Variants in USP10 observed in about 807,000 individuals in gnomAD.
USP10 encodes ubiquitin specific peptidase 10, also known as ubiquitin carboxyl-terminal hydrolase 10.
USP10 carries 22 observed loss-of-function variants against 84.5 expected under a neutral mutation model. That is an observed-to-expected ratio of 0.26 (90% confidence interval 0.19 to 0.37). The LOEUF is 0.37. Ranked by LOEUF, USP10 falls within the 10% of genes least tolerant of loss-of-function variation. The pLI, the probability that USP10 is intolerant of heterozygous loss-of-function variation, is 1.00. For missense variants in USP10, 1,019 were observed against 998.9 expected (o/e 1.02, Z -0.27); for synonymous variants, 454 against 387.6 (o/e 1.17, Z -2.01).
intron 1 of USP10, among the ~76,000 whole-genome samples, chr16:84,720,460 A>G (rs1907636420): frequency 6.6e-6 from 1 of 152,140 alleles, no homozygotes; most frequent in African/African-American, 2.4e-5. Context: ...CTCGGCAGTA[A>G]TAAAGGTTGA....
intron 1 of USP10, among the ~76,000 whole-genome samples, chr16:84,723,457 A>G (rs1908071602): frequency 6.6e-6 from 1 of 152,244 alleles, no homozygotes; most frequent in Admixed American, 6.5e-5. Context: ...TAAAAACATG[A>G]GAATAAAAAC....
chr16:84,766,457 C>T (rs1465449339), intron 10 of USP10, among the ~76,000 whole-genome samples: 1 of 152,176 alleles, frequency 6.6e-6, no homozygotes, highest in East Asian at 1.9e-4. Flanking sequence ...TGGCGCGCAG[C>T]AGCGAGGGAA....
At chr16:84,757,858 C>T (rs1433996539) in intron 4 of USP10, among the ~76,000 whole-genome samples, 2 of 152,108 alleles carry the variant, frequency 1.3e-5, no homozygotes, top group Admixed American at 1.3e-4. Context: ...AGTGGTGGTA[C>T]TCCTAGATTA....
chr16:84,752,478 T>C (rs533864275), intron 4 of USP10, among the ~76,000 whole-genome samples: 1 of 152,256 alleles, frequency 6.6e-6, no homozygotes, highest in African/African-American at 2.4e-5. Flanking sequence ...TCCTCATTTT[T>C]ATTCTTTTAG....
Position 84,744,759 on chromosome 16 carries a change from G to A in USP10, c.278G>A (p.Gly93Asp), listed in dbSNP as rs772965502. 4 of 1,613,698 alleles carry A rather than the reference G, an allele frequency of 2.5e-6. No individual in the cohort carries two copies. The highest frequency in any genetic ancestry group is 1.1e-5 in the South Asian group (1 of 91,062). Residue 93 changes from glycine to aspartate, a missense_variant, in exon 4 of 14, where the codon GGT (glycine) becomes GAT (aspartate). Coordinates refer to ENST00000219473, the MANE Select transcript of USP10 (RefSeq NM_005153.3). ...CCTCAGGCCCCTGAATTTATTCTCG[G>A]TTGTACAGCTTCCAAAATAACCCCT... Reference protein sequence around the residue: ...LNPQAPEFILGCTASKITPDG... With the variant: ...LNPQAPEFILDCTASKITPDG...
At chr16:84,746,911 T>G (rs1352554100) in intron 4 of USP10, among the ~76,000 whole-genome samples, 1 of 152,244 alleles carries the variant, frequency 6.6e-6, no homozygotes, top group Non-Finnish European at 1.5e-5. Flanking sequence ...AAATATTTTC[T>G]TCCTTTTTAT....
chr16:84,706,684 G>A (rs569679604), intron 1 of USP10, among the ~76,000 whole-genome samples: 1 of 152,014 alleles, frequency 6.6e-6, no homozygotes, highest in South Asian at 2.1e-4. Flanking sequence ...GGGAATACAG[G>A]TGTGCGCCAC....
intron 1 of USP10, among the ~76,000 whole-genome samples, chr16:84,713,168 C>G (rs1906531155): frequency 6.6e-6 from 1 of 152,186 alleles, no homozygotes; most frequent in African/African-American, 2.4e-5. Flanking sequence ...CCTTAGATAT[C>G]TCAGCCAATG....
chr16:84,721,702 T>C (rs1907833347), intron 1 of USP10, among the ~76,000 whole-genome samples: 1 of 152,030 alleles, frequency 6.6e-6, no homozygotes, highest in Non-Finnish European at 1.5e-5. Context: ...CTTTGTTTTG[T>C]TTTGTTTTGT....
chr16:84,732,632 A>C, intron 1 of USP10: 1 of 304,718 alleles, frequency 3.3e-6, no homozygotes, highest in Non-Finnish European at 6.4e-6. Flanking sequence ...TTTTTAGTAA[A>C]GATGGGGGTT....
At chr16:84,755,756 C>T (rs1912458508) in intron 4 of USP10, among the ~76,000 whole-genome samples, 1 of 150,742 alleles carries the variant, frequency 6.6e-6, no homozygotes. Context: ...TAGGATGGTG[C>T]CACTGCATTC....
At chr16:84,744,101 T>C (rs891977937) in intron 3 of USP10, among the ~76,000 whole-genome samples, 3 of 152,126 alleles carry the variant, frequency 2.0e-5, no homozygotes, top group African/African-American at 7.2e-5. Context: ...TTTTTTTGTT[T>C]TTAAATTTAT....
chr16:84,725,492 C>T (rs1241405413), intron 1 of USP10, among the ~76,000 whole-genome samples: 1 of 152,146 alleles, frequency 6.6e-6, no homozygotes, highest in Non-Finnish European at 1.5e-5. Flanking sequence ...CCTCTGCCTG[C>T]TGGGTTCAAG....
intron 1 of USP10, among the ~76,000 whole-genome samples, chr16:84,706,438 A>G (rs1369367799): frequency 6.6e-6 from 1 of 151,086 alleles, no homozygotes; most frequent in Non-Finnish European, 1.5e-5. Flanking sequence ...TATTTTAAGT[A>G]ATAATTTCCC....
intron 1 of USP10, among the ~76,000 whole-genome samples, chr16:84,720,051 A>G (rs7188512): frequency 1.3e-5 from 2 of 152,054 alleles, no homozygotes; most frequent in Admixed American, 1.3e-4. Flanking sequence ...TCTGTGCTTG[A>G]TCTTAACACC....
chr16:84,726,711 G>C (rs1395486716), intron 1 of USP10, among the ~76,000 whole-genome samples: 1 of 152,212 alleles, frequency 6.6e-6, no homozygotes, highest in African/African-American at 2.4e-5. Flanking sequence ...AGGCCGGATG[G>C]GATATGAGGG....
chr16:84,723,962 C>G (rs1908133470), intron 1 of USP10, among the ~76,000 whole-genome samples: 1 of 152,134 alleles, frequency 6.6e-6, no homozygotes, highest in Non-Finnish European at 1.5e-5. Flanking sequence ...TCTTCCATTT[C>G]TTTTTTTCTT....
Position 84,713,674 on chromosome 16 carries a change from C to T in USP10, c.21+13563C>T, listed in dbSNP as rs1019852772. ...ATACCACAGTGGACATATTCAGAAGCCCACAGTCAGGTGTGGGAAAGAAGC... is the reference window on the plus strand; with the variant it reads ...ATACCACAGTGGACATATTCAGAAGTCCACAGTCAGGTGTGGGAAAGAAGC... On this transcript the variant is annotated intron_variant, in intron 1 of 13. Transcript: ENST00000219473. Among the ~76,000 whole-genome samples the T allele has an allele frequency of 3.3e-5, 5 of 152,160 alleles. No individual in the cohort carries two copies. In the East Asian group the frequency reaches 9.6e-4, roughly 29 times the overall value.
At chr16:84,720,576 A>ATTTTTTTT (rs10699847) in intron 1 of USP10, among the ~76,000 whole-genome samples, 6,895 of 88,078 alleles carry the variant, frequency 0.078, 833 homozygotes, top group South Asian at 0.095. Flanking sequence ...ATGATGCCCA[A>ATTTTTTTT]TTTTTTTTTT....
Sources: gnomAD v4.1 joint callset for allele counts (sites outside exome capture counted in the v4.1 genomes callset) on GRCh38, gnomAD v4.1.1 for gene constraint, MANE v1.5 for transcripts, NCBI Gene and HGNC (gene_info 2026-07-23, HGNC 2026-07-21) for gene names.